The following SIPA1L1 variants were observed in gnomAD, a reference collection of about 807,000 sequenced individuals.
SIPA1L1 encodes the protein signal induced proliferation associated 1 like 1.
A neutral mutation model predicts 162.7 loss-of-function variants in SIPA1L1; 26 were observed. The ratio of observed to expected loss-of-function variants is 0.16; its 90% CI spans 0.12 to 0.22. The LOEUF is 0.22. Among genes scored for constraint, SIPA1L1 ranks in the 10% least tolerant of loss-of-function variants. The probability of loss-of-function intolerance (pLI) is 1.00; values close to 1 mark genes in which losing one functional copy is unlikely to be tolerated. For missense variants in SIPA1L1, 1,874 were observed against 2,241.0 expected (o/e 0.84, Z 3.31); for synonymous variants, 829 against 837.4 (o/e 0.99, Z 0.17).
intron 7 of SIPA1L1, among the ~76,000 whole-genome samples, chr14:71,636,438 G>A (rs2041156500): frequency 6.6e-6 from 1 of 152,142 alleles, no homozygotes; most frequent in Non-Finnish European, 1.5e-5. Flanking sequence ...AGATTTCTAA[G>A]TAACCAGTAG....
chr14:71,669,496 G>A (rs1289299832), intron 10 of SIPA1L1, among the ~76,000 whole-genome samples: 1 of 152,146 alleles, frequency 6.6e-6, no homozygotes, highest in East Asian at 1.9e-4. Flanking sequence ...AAATATTTCT[G>A]GATTCTTACA....
chr14:71,427,925 A>T (rs1207630043), intron 2 of SIPA1L1, among the ~76,000 whole-genome samples: 2 of 151,748 alleles, frequency 1.3e-5, no homozygotes, highest in Non-Finnish European at 2.9e-5. Flanking sequence ...TTTTCCTTTG[A>T]ATGGGCAGTA....
At chr14:71,459,071 GA>G (rs200892418) in intron 2 of SIPA1L1, among the ~76,000 whole-genome samples, 599 of 134,008 alleles carry the variant, frequency 4.5e-3, no homozygotes, top group Non-Finnish European at 4.6e-3. Context: ...GGCTCTGTCT[GA>G]AAAAAAAAAA....
intron 20 of SIPA1L1, among the ~76,000 whole-genome samples, chr14:71,733,040 G>A (rs1281154099): frequency 2.6e-5 from 4 of 152,090 alleles, no homozygotes; most frequent in Admixed American, 2.0e-4. Flanking sequence ...GTGAAACCCC[G>A]TCTCTACTAA....
At chr14:71,567,309 T>G (rs747414722) in intron 4 of SIPA1L1, among the ~76,000 whole-genome samples, 3 of 152,204 alleles carry the variant, frequency 2.0e-5, no homozygotes, top group Non-Finnish European at 4.4e-5. Flanking sequence ...GAAAGGAAGG[T>G]TCCTCCTATC....
Position 71,588,906 on chromosome 14 carries a change from A to G in SIPA1L1, c.1034A>G (p.Glu345Gly). Reference sequence around the variant, plus strand: ...CAGAGTATATTATTTGATTTGAATGAGGCAATTATGAACAGGCACAATGTT... The same window carrying G: ...CAGAGTATATTATTTGATTTGAATGGGGCAATTATGAACAGGCACAATGTT... ...DVQSILFDLN[E>G]AIMNRHNVIK... is the part of the protein sequence containing the mutation. Residue 345 changes from glutamate (E) to glycine (G), a missense_variant, in exon 5 of 24, where the codon GAG becomes GGG. Around this residue, in one of 5 missense-constraint regions of SIPA1L1, gnomAD observed 685 missense variants for 828.0 expected, o/e 0.83. Transcript: ENST00000381232. The surrounding 1 kb of genome is among the most constrained non-coding windows in gnomAD (Gnocchi z 4.3). 6 of 1,614,108 alleles carry G rather than the reference A, an allele frequency of 3.7e-6. No homozygotes were observed. The highest frequency in any genetic ancestry group is 4.2e-6 in the Non-Finnish European group (5 of 1,179,978).
chr14:71,492,176 C>T (rs2049339117), intron 2 of SIPA1L1, among the ~76,000 whole-genome samples: 1 of 152,116 alleles, frequency 6.6e-6, no homozygotes, highest in Admixed American at 6.6e-5. Context: ...GTTTTTCGTG[C>T]TAGCAGCCTG....
At chr14:71,570,941 G>A (rs1596191357) in intron 4 of SIPA1L1, among the ~76,000 whole-genome samples, 3 of 152,008 alleles carry the variant, frequency 2.0e-5, no homozygotes, top group East Asian at 3.9e-4. Flanking sequence ...GATTACAGGT[G>A]CGCACCACCA....
chr14:71,474,778 C>T (rs1447049290), intron 2 of SIPA1L1, among the ~76,000 whole-genome samples: 2 of 152,114 alleles, frequency 1.3e-5, no homozygotes, highest in Non-Finnish European at 2.9e-5. Context: ...CTTCATTTGG[C>T]TATTTATAGT....
At chr14:71,385,648 A>G (rs1164517499) in intron 2 of SIPA1L1, among the ~76,000 whole-genome samples, 3 of 151,572 alleles carry the variant, frequency 2.0e-5, no homozygotes, top group African/African-American at 7.3e-5. Flanking sequence ...TAATACATAT[A>G]AAAAATTATA....
intron 2 of SIPA1L1, among the ~76,000 whole-genome samples, chr14:71,499,251 A>G (rs1452165552): frequency 6.6e-6 from 1 of 152,198 alleles, no homozygotes; most frequent in African/African-American, 2.4e-5. Flanking sequence ...GTGAGGTGGG[A>G]GGATCACCTG....
chr14:71,549,951 A>C (rs1169609756), intron 4 of SIPA1L1, among the ~76,000 whole-genome samples: 2 of 152,214 alleles, frequency 1.3e-5, no homozygotes, highest in African/African-American at 4.8e-5. Flanking sequence ...ATTTCTTTGC[A>C]AAGAAGCTTT....
At chr14:71,682,930 C>T (rs7145435) in intron 12 of SIPA1L1, among the ~76,000 whole-genome samples, 65,338 of 152,048 alleles carry the variant, frequency 0.43, 14,767 homozygotes, top group Admixed American at 0.52. Flanking sequence ...GAGGCAGGTA[C>T]ATCACTTGAG....
At chr14:71,664,787 GT>G (rs1463477522) in intron 10 of SIPA1L1, among the ~76,000 whole-genome samples, 1 of 152,154 alleles carries the variant, frequency 6.6e-6, no homozygotes, top group African/African-American at 2.4e-5. Flanking sequence ...AAGGGGAGAA[GT>G]TTCCTTGAAA....
At chr14:71,589,853 C>T (rs1369867719) in intron 5 of SIPA1L1, among the ~76,000 whole-genome samples, 3 of 151,498 alleles carry the variant, frequency 2.0e-5, no homozygotes, top group African/African-American at 4.8e-5. Context: ...TGTCCATTTA[C>T]AGGAAGTATT....
chr14:71,631,931 C>T lies in SIPA1L1; in HGVS notation c.1818+7695C>T, dbSNP rs185428035. Among the ~76,000 whole-genome samples, 54 of 152,242 alleles carry T rather than the reference C, an allele frequency of 3.5e-4. No homozygotes were observed. The East Asian group carries it at 9.8e-3, about 28-fold the overall frequency. On this transcript the variant is annotated intron_variant, in intron 7 of 23. Transcript: ENST00000381232. ...AGAGTTATGTATATGAAGAACAAAT[C>T]AAAGCAAATAATGTGAATTAGAACA... is the stretch of plus-strand genomic sequence containing the variant.
chr14:71,428,171 T>C (rs1306948795), intron 2 of SIPA1L1, among the ~76,000 whole-genome samples: 1 of 151,884 alleles, frequency 6.6e-6, no homozygotes, highest in Non-Finnish European at 1.5e-5. Flanking sequence ...TTTGTATTTT[T>C]AGTAGTGATG....
intron 2 of SIPA1L1, among the ~76,000 whole-genome samples, chr14:71,459,921 TA>T (rs2046463297): frequency 6.6e-6 from 1 of 152,166 alleles, no homozygotes; most frequent in African/African-American, 2.4e-5. Context: ...AATCTTCAAA[TA>T]AAGACAATAA....
intron 4 of SIPA1L1, among the ~76,000 whole-genome samples, chr14:71,542,556 CCTCTTCCTCCTT>C (rs1209983643): frequency 6.8e-6 from 1 of 146,404 alleles, no homozygotes; most frequent in Non-Finnish European, 1.5e-5. Context: ...TCCTCCTCCT[CCTCTTCCTCCTT>C]CTCTTCCTCC....
Sources: gnomAD v4.1 joint callset for allele counts (sites outside exome capture counted in the v4.1 genomes callset) on GRCh38, gnomAD v4.1.1 for gene constraint, gnomAD v4.1.1 regional missense constraint, Gnocchi (gnomAD v3.1) non-coding constraint, MANE v1.5 for transcripts, NCBI Gene and HGNC (gene_info 2026-07-23, HGNC 2026-07-21) for gene names.